Variants in SH2D4B observed in about 807,000 individuals in gnomAD.
SH2D4B encodes SH2 domain-containing protein 4B.
In SH2D4B, 45 loss-of-function variants were observed where a neutral mutation model predicts 61.5. The ratio of observed to expected loss-of-function variants is 0.73; its 90% CI spans 0.58 to 0.94. The LOEUF (loss-of-function observed/expected upper bound fraction) is 0.94. SH2D4B is among the 40% of genes least tolerant of loss of function. SH2D4B has a pLI of 0.00. For synonymous variants in SH2D4B, 224 were observed against 220.4 expected (o/e 1.02, Z -0.14); for missense variants, 572 against 574.2 (o/e 1.00, Z 0.04).
intron 6 of SH2D4B, among the ~76,000 whole-genome samples, chr10:80,625,577 T>C (rs1451054279): frequency 1.3e-5 from 2 of 148,178 alleles, no homozygotes; most frequent in African/African-American, 2.6e-5. Context: ...CTTTTTCTTT[T>C]TTTTTCTTTT....
chr10:80,580,452 AGTT>A (rs773161381), intron 3 of SH2D4B, among the ~76,000 whole-genome samples: 51 of 152,304 alleles, frequency 3.3e-4, no homozygotes, highest in South Asian at 6.2e-4. Flanking sequence ...AAGGCTGGTC[AGTT>A]GTTGTGTCAA....
At chr10:80,548,865 G>A (rs954624676) in intron 1 of SH2D4B, among the ~76,000 whole-genome samples, 1 of 152,148 alleles carries the variant, frequency 6.6e-6, no homozygotes, top group African/African-American at 2.4e-5. Context: ...AGGGAGCAAG[G>A]GCTTTCCTGT....
intron 4 of SH2D4B, among the ~76,000 whole-genome samples, chr10:80,596,759 C>T (rs1018742116): frequency 6.6e-6 from 1 of 152,312 alleles, no homozygotes; most frequent in Middle Eastern, 3.4e-3. Flanking sequence ...GATGGAGGCT[C>T]TATCTTTACT....
At chr10:80,560,026 C>T (rs1347938659) in intron 1 of SH2D4B, among the ~76,000 whole-genome samples, 2 of 129,852 alleles carry the variant, frequency 1.5e-5, no homozygotes, top group Admixed American at 9.3e-5. Context: ...CTGGCTCTGT[C>T]GACCAGGCAG....
chr10:80,569,013 TA>T (rs1004235579), intron 1 of SH2D4B, among the ~76,000 whole-genome samples: 2 of 152,262 alleles, frequency 1.3e-5, no homozygotes, highest in African/African-American at 4.8e-5. Flanking sequence ...GCTAAGGCAG[TA>T]ACACAGTTTA....
At chr10:80,576,980 TG>T (rs1431098259) in intron 3 of SH2D4B, among the ~76,000 whole-genome samples, 2 of 152,218 alleles carry the variant, frequency 1.3e-5, no homozygotes, top group African/African-American at 4.8e-5. Context: ...TTAGCCAAGT[TG>T]GTCTCGAACT....
At position 80,634,423 on chromosome 10, in the gene SH2D4B, A is replaced by T. The variant is rs912187708; in HGVS notation, c.1127A>T (p.Asp376Val). 1 of 1,550,358 alleles carries T rather than the reference A, an allele frequency of 6.5e-7. No homozygotes were observed. The highest frequency in any genetic ancestry group is 8.7e-7 in the Non-Finnish European group (1 of 1,146,972). ...LQKGFKHFLVDASGDFYSFLG... is the reference protein window; with the variant it reads ...LQKGFKHFLVVASGDFYSFLG... The stretch of plus-strand genomic sequence containing the variant: ...AAAGGGTTCAAACACTTTCTTGTGG[A>T]TGCTTCTGGGGATTTTTACAGCTTC... The change falls in exon 7 of 8, where the codon GAT becomes GTT. Residue 376 changes from aspartate (D) to valine (V), a missense_variant. Transcript: ENST00000646907.
intron 4 of SH2D4B, among the ~76,000 whole-genome samples, chr10:80,601,922 A>G (rs1406880008): frequency 6.6e-6 from 1 of 152,202 alleles, no homozygotes; most frequent in Non-Finnish European, 1.5e-5. Context: ...GCCTGGTGCA[A>G]TTAGAAGAAC....
At chr10:80,598,048 G>A (rs1842405492) in intron 4 of SH2D4B, among the ~76,000 whole-genome samples, 1 of 152,352 alleles carries the variant, frequency 6.6e-6, no homozygotes, top group African/African-American at 2.4e-5. Flanking sequence ...CCATTACAAA[G>A]TTGTCACCCG....
intron 4 of SH2D4B, among the ~76,000 whole-genome samples, chr10:80,597,601 G>A (rs1842398671): frequency 6.6e-6 from 1 of 152,178 alleles, no homozygotes; most frequent in South Asian, 2.1e-4. Context: ...GGGAGGTGGA[G>A]GTTGCAGTGA....
intron 3 of SH2D4B, among the ~76,000 whole-genome samples, chr10:80,583,487 G>T (rs957462688): frequency 7.4e-6 from 1 of 134,566 alleles, no homozygotes. Flanking sequence ...TGACCAACAT[G>T]ATGAAACCCG....
At chr10:80,622,505 G>A (rs1842726455) in intron 6 of SH2D4B, among the ~76,000 whole-genome samples, 1 of 152,212 alleles carries the variant, frequency 6.6e-6, no homozygotes, top group African/African-American at 2.4e-5. Context: ...AGGGCAGCTT[G>A]CTTTCTGAAG....
intron 3 of SH2D4B, among the ~76,000 whole-genome samples, chr10:80,574,567 C>T (rs1237459301): frequency 6.6e-6 from 1 of 151,892 alleles, no homozygotes; most frequent in Non-Finnish European, 1.5e-5. Flanking sequence ...GTGGTTGAGA[C>T]ACTCAGTGAA....
chr10:80,628,044 G>A (rs1439266519), intron 6 of SH2D4B, among the ~76,000 whole-genome samples: 2 of 152,192 alleles, frequency 1.3e-5, no homozygotes, highest in African/African-American at 4.8e-5. Flanking sequence ...CCAGCTGGAA[G>A]GGGTGAGGTA....
At chr10:80,590,567 G>A (rs570850088) in intron 4 of SH2D4B, among the ~76,000 whole-genome samples, 2 of 152,286 alleles carry the variant, frequency 1.3e-5, no homozygotes, top group Admixed American at 1.3e-4. Context: ...AAGAGAGCAA[G>A]GAGGAGGCTG....
intron 4 of SH2D4B, among the ~76,000 whole-genome samples, chr10:80,600,520 C>CGTGTGT (rs769408150): frequency 0.014 from 1,829 of 133,706 alleles, 34 homozygotes; most frequent in African/African-American, 0.051. Context: ...TGCAGAGTGG[C>CGTGTGT]ATGTGTGTGT....
At chr10:80,556,520 A>C (rs535165353) in intron 1 of SH2D4B, among the ~76,000 whole-genome samples, 2 of 152,204 alleles carry the variant, frequency 1.3e-5, no homozygotes, top group Non-Finnish European at 2.9e-5. Flanking sequence ...ATGAATTGGC[A>C]CATTAACACT....
At chr10:80,622,277 TGTA>T (rs1220352860) in intron 6 of SH2D4B, among the ~76,000 whole-genome samples, 1 of 152,234 alleles carries the variant, frequency 6.6e-6, no homozygotes. Flanking sequence ...AGGGTTCTTA[TGTA>T]TACATTGTGT....
intron 1 of SH2D4B, among the ~76,000 whole-genome samples, chr10:80,543,609 C>T (rs867685069): frequency 3.1e-4 from 47 of 152,354 alleles, no homozygotes; most frequent in African/African-American, 8.2e-4. Context: ...GCGCACCGCG[C>T]GGGACTGGCA....
Sources: allele counts gnomAD v4.1 joint callset (sites outside exome capture counted in the v4.1 genomes callset), GRCh38; gene constraint gnomAD v4.1.1; transcripts MANE v1.5; gene names NCBI Gene and HGNC (gene_info 2026-07-23, HGNC 2026-07-21).